Variants in GTF2H5 observed in about 807,000 individuals in gnomAD.
GTF2H5 encodes the protein TFB5 ortholog.
A neutral mutation model predicts 7.1 loss-of-function variants in GTF2H5; 5 were observed. The ratio of observed to expected loss-of-function variants is 0.71; its 90% CI spans 0.37 to 1.49. The LOEUF (loss-of-function observed/expected upper bound fraction) is 1.49. GTF2H5 is among the 40% of genes most tolerant of loss of function. The pLI is 0.03. For missense variants in GTF2H5, 80 were observed against 83.0 expected, an observed-to-expected ratio of 0.96 and a Z score of 0.14; for synonymous variants, 30 against 31.7, an observed-to-expected ratio of 0.95 and a Z score of 0.18.
chr6:158,169,750 T>TAA (rs1785808348), intron 1 of GTF2H5, among the ~76,000 whole-genome samples: 1 of 85,574 alleles, frequency 1.2e-5, no homozygotes, highest in Non-Finnish European at 2.2e-5. Context: ...ATATATTATA[T>TAA]AATATATTGT....
At position 158,169,787 on chromosome 6, in the gene GTF2H5, A is replaced by ATATATAATATATTG. The variant is rs1562469576; in HGVS notation, c.-34-678_-34-677insAATATATTGTATAT. On this transcript the variant is annotated intron_variant, in intron 1 of 2. Coordinates refer to ENST00000607778, the MANE Select transcript of GTF2H5 (RefSeq NM_207118.3). ...TATTATATATAATATATTGTATATT[A>ATATATAATATATTG]TATATTATATATTGTATATTATATA... Among the ~76,000 whole-genome samples, 104 of 105,816 alleles carry ATATATAATATATTG rather than the reference A, an allele frequency of 9.8e-4. 1 individual carries two copies. The highest frequency in any genetic ancestry group is 1.3e-3 in the Non-Finnish European group (75 of 58,644). 69.4% of individuals were successfully genotyped at this position (105,816 alleles called of 152,430 possible).
chr6:158,190,356 G>A (rs901275961), intron 2 of GTF2H5, among the ~76,000 whole-genome samples: 3 of 152,062 alleles, frequency 2.0e-5, no homozygotes, highest in African/African-American at 7.2e-5. Context: ...AATTATGTTG[G>A]TTTTATGTCA....
At chr6:158,169,420 A>ATTG (rs1785726782) in intron 1 of GTF2H5, among the ~76,000 whole-genome samples, 2 of 83,242 alleles carry the variant, frequency 2.4e-5, no homozygotes, top group African/African-American at 1.1e-4. Context: ...TATATATTAT[A>ATTG]TATAATATAT....
intron 2 of GTF2H5, among the ~76,000 whole-genome samples, chr6:158,176,954 C>T (rs1293723089): frequency 6.6e-6 from 1 of 152,256 alleles, no homozygotes; most frequent in Non-Finnish European, 1.5e-5. Context: ...TTAAGAAAGC[C>T]TTTAAGCGGT....
chr6:158,173,769 G>C (rs1785889655), intron 2 of GTF2H5, among the ~76,000 whole-genome samples: 2 of 152,010 alleles, frequency 1.3e-5, no homozygotes, highest in African/African-American at 2.4e-5. Context: ...GGGAATAAAA[G>C]GGTGGCTACC....
chr6:158,170,967 T>C (rs73794535), intron 2 of GTF2H5, among the ~76,000 whole-genome samples: 2,294 of 152,254 alleles, frequency 0.015, 62 homozygotes, highest in African/African-American at 0.052. Context: ...ATGGGCAGAG[T>C]TGAGTTCCTC....
At chr6:158,188,351 A>G (rs573904607) in intron 2 of GTF2H5, among the ~76,000 whole-genome samples, 3 of 152,320 alleles carry the variant, frequency 2.0e-5, no homozygotes, top group Non-Finnish European at 4.4e-5. Flanking sequence ...ATTTGAGGGA[A>G]ACAACTAAAT....
chr6:158,183,316 C>T (rs1021138299), intron 2 of GTF2H5, among the ~76,000 whole-genome samples: 2 of 152,116 alleles, frequency 1.3e-5, no homozygotes, highest in Admixed American at 1.3e-4. Context: ...GAGGTGTCTC[C>T]CAGTCAGGCT....
chr6:158,169,424 A>AATATATTGTATATTATATATTATATATT (rs1785727500), intron 1 of GTF2H5, among the ~76,000 whole-genome samples: 3 of 76,738 alleles, frequency 3.9e-5, no homozygotes, highest in African/African-American at 1.9e-4. Context: ...TATTATATAT[A>AATATATTGTATATTATATATTATATATT]ATATATTGTA....
chr6:158,170,668 C>G, intron 2 of GTF2H5, 130 bp downstream of exon 2: 2 of 733,792 alleles, frequency 2.7e-6, no homozygotes, highest in Non-Finnish European at 4.8e-6. Flanking sequence ...TAACAAGTGG[C>G]ACAGATTTTG....
Position 158,199,272 on chromosome 6 carries a change from A to C in GTF2H5, c.*7115A>C, listed in dbSNP as rs1031494355. 3.3e-5 allele frequency: 5 copies of C among 151,924 alleles called. No homozygotes were observed. Among genetic ancestry groups the C allele is most frequent in the African/African-American group, 1.2e-4 (5 of 41,182 alleles). The allele number at this position is 151,924 out of a possible 1,614,324, so 9.4% of individuals were successfully genotyped here. A position where few individuals can be genotyped will look rare whatever the true frequency, so the allele number is the denominator to read the frequency against. On this transcript the variant is annotated 3_prime_UTR_variant, in exon 3 of 3. Transcript: ENST00000607778. Reference sequence around the variant, plus strand: ...TACAATAGAAGCCCAATCCCCACCTATACCCAATATATCCATGGGACAAGC... The same window carrying C: ...TACAATAGAAGCCCAATCCCCACCTCTACCCAATATATCCATGGGACAAGC...
intron 1 of GTF2H5, among the ~76,000 whole-genome samples, chr6:158,169,751 A>G (rs367949982): frequency 3.5e-5 from 2 of 56,634 alleles, no homozygotes; most frequent in East Asian, 5.8e-4. Flanking sequence ...TATATTATAT[A>G]ATATATTGTA....
chr6:158,182,917 T>C (rs554967164), intron 2 of GTF2H5, among the ~76,000 whole-genome samples: 2 of 152,282 alleles, frequency 1.3e-5, no homozygotes, highest in East Asian at 3.9e-4. Context: ...TTTCTTCCCT[T>C]GCTGGTGAGG....
intron 2 of GTF2H5, among the ~76,000 whole-genome samples, chr6:158,191,348 ATCAGTTAAGAAAGC>A (rs1056161847): frequency 6.6e-6 from 1 of 152,246 alleles, no homozygotes; most frequent in African/African-American, 2.4e-5. Flanking sequence ...CAGTGTTTAA[ATCAGTTAAGAAAGC>A]TGTGATTCTA....
rs150554234 is a variant in GTF2H5 at position 158,196,143 on chromosome 6, A to G, written c.*3986A>G. ...AAAAATACAAAAAAATTAGCTGGGC[A>G]TGGTGGTGGACGCCTGTAGTCCCAG... is the stretch of plus-strand genomic sequence containing the variant. On this transcript the variant is annotated 3_prime_UTR_variant, in exon 3 of 3. Coordinates refer to ENST00000607778, the MANE Select transcript of GTF2H5 (RefSeq NM_207118.3). 5.5e-3 allele frequency: 844 copies of G among 152,286 alleles called. 2 individuals carry two copies. Among genetic ancestry groups the G allele is most frequent in the Middle Eastern group, 6.8e-3 (2 of 294 alleles). 9.4% of individuals were successfully genotyped at this position (152,286 alleles called of 1,614,324 possible). A position where few individuals can be genotyped will look rare whatever the true frequency, so the allele number is the denominator to read the frequency against.
intron 2 of GTF2H5, among the ~76,000 whole-genome samples, chr6:158,174,842 G>A (rs1268165028): frequency 6.6e-6 from 1 of 152,164 alleles, no homozygotes; most frequent in Non-Finnish European, 1.5e-5. Flanking sequence ...TTATGAGTTT[G>A]GCTTCTAAAG....
chr6:158,178,056 A>T (rs1785956543), intron 2 of GTF2H5, among the ~76,000 whole-genome samples: 1 of 152,152 alleles, frequency 6.6e-6, no homozygotes, highest in African/African-American at 2.4e-5. Flanking sequence ...TTTATCATAG[A>T]ATGATTTATA....
intron 1 of GTF2H5, among the ~76,000 whole-genome samples, chr6:158,169,647 T>C (rs1785776580): frequency 2.3e-5 from 2 of 86,792 alleles, no homozygotes; most frequent in South Asian, 6.0e-4. Context: ...ACATATATTG[T>C]ATATTACATA....
chr6:158,169,714 A>ATATATTATATATTG (rs1785798815), intron 1 of GTF2H5, among the ~76,000 whole-genome samples: 1 of 48,622 alleles, frequency 2.1e-5, no homozygotes, highest in African/African-American at 1.6e-4. Context: ...ATTGTATATT[A>ATATATTATATATTG]TATATTATAT....
Sources: gnomAD v4.1 joint callset for allele counts (sites outside exome capture counted in the v4.1 genomes callset) on GRCh38, gnomAD v4.1.1 for gene constraint, MANE v1.5 for transcripts, NCBI Gene and HGNC (gene_info 2026-07-23, HGNC 2026-07-21) for gene names.